The following COBL variants were observed in gnomAD, a reference collection of about 807,000 sequenced individuals.
COBL encodes the protein protein cordon-bleu.
In COBL, 51 loss-of-function variants were observed where a neutral mutation model predicts 98.8. That is an observed-to-expected ratio of 0.52 (90% CI 0.41 to 0.65). COBL has a LOEUF of 0.65. Among genes scored for constraint, COBL ranks in the 30% least tolerant of loss-of-function variants. The pLI is 0.00. For synonymous variants in COBL, 634 were observed against 651.7 expected, an observed-to-expected ratio of 0.97 and a Z score of 0.41; for missense variants, 1,617 against 1,617.5, an observed-to-expected ratio of 1.00 and a Z score of 0.01.
At chr7:51,197,115 T>C (rs1413134585) in intron 2 of COBL, among the ~76,000 whole-genome samples, 1 of 152,184 alleles carries the variant, frequency 6.6e-6, no homozygotes, top group African/African-American at 2.4e-5. Flanking sequence ...AATTGTAGTG[T>C]TAGGTTGTTA....
At chr7:51,300,599 T>G (rs1420679231) in intron 1 of COBL, among the ~76,000 whole-genome samples, 1 of 152,284 alleles carries the variant, frequency 6.6e-6, no homozygotes, top group East Asian at 1.9e-4. Context: ...CAGGCCTGGG[T>G]CTGCATCCTG....
intron 5 of COBL, among the ~76,000 whole-genome samples, chr7:51,155,651 T>A (rs979525353): frequency 4.0e-5 from 6 of 149,554 alleles, no homozygotes; most frequent in African/African-American, 1.5e-4. Context: ...AGCCCTGGTT[T>A]CATTTCTACA....
intron 5 of COBL, among the ~76,000 whole-genome samples, chr7:51,146,502 C>T (rs540006894): frequency 6.6e-6 from 1 of 152,240 alleles, no homozygotes; most frequent in South Asian, 2.1e-4. Flanking sequence ...CAGTCCTTTC[C>T]TATTTTCTAG....
At chr7:51,224,420 A>T (rs1793981740) in intron 1 of COBL, among the ~76,000 whole-genome samples, 1 of 152,214 alleles carries the variant, frequency 6.6e-6, no homozygotes, top group Non-Finnish European at 1.5e-5. Context: ...GAGGGAGAAA[A>T]AACCTGTGTG....
chr7:51,027,744 G>A lies in COBL; in HGVS notation c.3352C>T (p.His1118Tyr), dbSNP rs867135548. The change falls in exon 10 of 13, where the codon CAC (histidine) becomes TAC (tyrosine). Residue 1118 changes from histidine to tyrosine, a missense_variant. Around this residue, in one of 3 missense-constraint regions of COBL, gnomAD observed 1,304 missense variants for 1,282.0 expected, o/e 1.02. Transcript: ENST00000265136. The stretch of plus-strand genomic sequence containing the variant: ...AGTCTGTCCTTCCCTCCCGCAGAGT[G>A]GATGGCTTCCATCAGGGCAGAGTGC... Reference protein sequence around the residue: ...SLHSALMEAIHSAGGKDRLRK... With the variant: ...SLHSALMEAIYSAGGKDRLRK... The A allele has an allele frequency of 1.9e-6, 3 of 1,614,076 alleles. No homozygotes were observed. Among genetic ancestry groups the A allele is most frequent in the Non-Finnish European group, 2.5e-6 (3 of 1,179,962 alleles).
chr7:51,073,299 A>G, intron 7 of COBL: 1 of 677,598 alleles, frequency 1.5e-6, no homozygotes, highest in African/African-American at 1.8e-5. Flanking sequence ...CCAGGGCAGA[A>G]GAGACACTGG....
chr7:51,305,332 A>G (rs1802360155), intron 1 of COBL, among the ~76,000 whole-genome samples: 3 of 152,212 alleles, frequency 2.0e-5, no homozygotes, highest in Admixed American at 2.0e-4. Flanking sequence ...CTTATCCCTG[A>G]CTGTAAGAAT....
At chr7:51,129,410 A>G (rs1474535292) in intron 6 of COBL, among the ~76,000 whole-genome samples, 1 of 151,962 alleles carries the variant, frequency 6.6e-6, no homozygotes, top group Non-Finnish European at 1.5e-5. Flanking sequence ...CCCAAACATT[A>G]TCATGTTTGG....
chr7:51,161,119 C>T (rs1786758538), intron 5 of COBL, among the ~76,000 whole-genome samples: 1 of 152,128 alleles, frequency 6.6e-6, no homozygotes, highest in Non-Finnish European at 1.5e-5. Context: ...TTCCTGTTCT[C>T]AACTGATGAA....
intron 1 of COBL, among the ~76,000 whole-genome samples, chr7:51,302,181 G>A (rs1802036432): frequency 6.6e-6 from 1 of 152,132 alleles, no homozygotes; most frequent in African/African-American, 2.4e-5. Flanking sequence ...ATTTGGAGGG[G>A]GTCACATAAA....
At chr7:51,063,177 T>C (rs192007297) in intron 7 of COBL, among the ~76,000 whole-genome samples, 90 of 150,570 alleles carry the variant, frequency 6.0e-4, no homozygotes, top group Middle Eastern at 6.8e-3. Context: ...CTCTGTCACC[T>C]AGGCTGGAGT....
At chr7:51,096,425 G>C (rs1489752397) in intron 6 of COBL, among the ~76,000 whole-genome samples, 1 of 151,874 alleles carries the variant, frequency 6.6e-6, no homozygotes, top group Non-Finnish European at 1.5e-5. Flanking sequence ...CAACGAAAGA[G>C]CTCATCAGCA....
chr7:51,041,018 C>A (rs1241716055), intron 8 of COBL, among the ~76,000 whole-genome samples: 1 of 152,136 alleles, frequency 6.6e-6, no homozygotes, highest in African/African-American at 2.4e-5. Context: ...GCAGAACAGA[C>A]GTGGAGATTA....
At chr7:51,114,761 CCT>C (rs1287262317) in intron 6 of COBL, among the ~76,000 whole-genome samples, 3 of 152,150 alleles carry the variant, frequency 2.0e-5, no homozygotes, top group African/African-American at 4.8e-5. Flanking sequence ...AACTAACTAC[CCT>C]GTTACGTCAC....
chr7:51,294,463 T>C (rs1801217394), intron 1 of COBL, among the ~76,000 whole-genome samples: 1 of 151,238 alleles, frequency 6.6e-6, no homozygotes, highest in Non-Finnish European at 1.5e-5. Context: ...TGAAACCCTA[T>C]TTCTACTAAA....
intron 1 of COBL, among the ~76,000 whole-genome samples, chr7:51,264,441 CG>C (rs1439391928): frequency 6.6e-6 from 1 of 151,984 alleles, no homozygotes; most frequent in Admixed American, 6.6e-5. Context: ...GAGGTCAACA[CG>C]GGTGGATCAC....
chr7:51,256,597 C>G (rs1406357312), intron 1 of COBL, among the ~76,000 whole-genome samples: 1 of 152,248 alleles, frequency 6.6e-6, no homozygotes, highest in Non-Finnish European at 1.5e-5. Context: ...TCCACATCCA[C>G]TCAATCGCCC....
intron 5 of COBL, among the ~76,000 whole-genome samples, chr7:51,149,260 C>T (rs1017379459): frequency 1.3e-5 from 2 of 152,164 alleles, no homozygotes; most frequent in African/African-American, 4.8e-5. Context: ...CACAGGGGCA[C>T]ATCACTTCTC....
chr7:51,203,621 TA>T (rs992645718), intron 2 of COBL, among the ~76,000 whole-genome samples: 6 of 148,738 alleles, frequency 4.0e-5, no homozygotes, highest in South Asian at 4.3e-4. Context: ...ACATCATCCC[TA>T]AAAAAAAAGA....
Sources: allele counts gnomAD v4.1 joint callset (sites outside exome capture counted in the v4.1 genomes callset), GRCh38; gene constraint gnomAD v4.1.1; regional missense constraint gnomAD v4.1.1; transcripts MANE v1.5; gene names NCBI Gene and HGNC (gene_info 2026-07-23, HGNC 2026-07-21).